The following PAX6 variants were observed in gnomAD, a reference collection of about 807,000 sequenced individuals.
PAX6 encodes paired box 6, also known as paired box protein Pax-6.
Under a neutral mutation model 60.7 loss-of-function variants are expected in PAX6, and 7 were observed. The observed-to-expected ratio is 0.12, with a 90% CI of 0.07 to 0.22. The LOEUF (loss-of-function observed/expected upper bound fraction) is 0.22, where lower values mean the gene tolerates loss of function less well. Ranked by LOEUF, PAX6 falls within the 10% of genes least tolerant of loss-of-function variation. The probability of loss-of-function intolerance (pLI) is 1.00; values close to 1 mark genes in which losing one functional copy is unlikely to be tolerated. For missense variants in PAX6, 355 were observed against 555.2 expected (o/e 0.64, Z 3.62); for synonymous variants, 208 against 201.2 (o/e 1.03, Z -0.29).
intron 13 of PAX6, chr11:31,790,417 C>G: frequency 7.7e-7 from 1 of 1,305,128 alleles, no homozygotes; most frequent in South Asian, 1.6e-5. Flanking sequence ...GCTCAGTGGG[C>G]CCCCTACTGA....
At chr11:31,798,353 G>T (rs945748970) in intron 8 of PAX6, among the ~76,000 whole-genome samples, 1 of 152,148 alleles carries the variant, frequency 6.6e-6, no homozygotes, top group African/African-American at 2.4e-5. Flanking sequence ...GCATGGCGTT[G>T]ATCAGATGGA....
chr11:31,797,352 G>A (rs1951906516), intron 8 of PAX6, among the ~76,000 whole-genome samples: 1 of 151,980 alleles, frequency 6.6e-6, no homozygotes, highest in Non-Finnish European at 1.5e-5. Flanking sequence ...TTAAAACATG[G>A]AGATTCACAT....
chr11:31,807,518 C>G (rs969427512), intron 2 of PAX6: 1 of 152,304 alleles, frequency 6.6e-6, no homozygotes, highest in African/African-American at 2.4e-5. Context: ...CTTTCTGGGA[C>G]TTTGAAAGGG....
At chr11:31,808,972 G>A (rs1175610503) in intron 2 of PAX6, among the ~76,000 whole-genome samples, 1 of 152,156 alleles carries the variant, frequency 6.6e-6, no homozygotes. Context: ...AGACATTTTG[G>A]AGTCGCCCCA....
chr11:31,797,569 C>T (rs1165926913), intron 8 of PAX6, among the ~76,000 whole-genome samples: 1 of 147,568 alleles, frequency 6.8e-6, no homozygotes, highest in Non-Finnish European at 1.5e-5. Flanking sequence ...CAAAAAGAAA[C>T]CTGTCGCTGC....
chr11:31,810,560 G>C, intron 2 of PAX6: 1 of 267,914 alleles, frequency 3.7e-6, no homozygotes, highest in Non-Finnish European at 7.0e-6. Flanking sequence ...CTCAGCCCGC[G>C]CTGGCGCTGG....
At chr11:31,797,727 C>T (rs1208917889) in intron 8 of PAX6, among the ~76,000 whole-genome samples, 1 of 152,164 alleles carries the variant, frequency 6.6e-6, no homozygotes, top group African/African-American at 2.4e-5. Flanking sequence ...ATTTGCCTTC[C>T]ACTCTTAAAG....
upstream of PAX6, chr11:31,814,872 G>A (rs188050054): frequency 4.5e-4 from 70 of 153,998 alleles, no homozygotes; most frequent in Admixed American, 8.4e-4. Context: ...GCCACTGCTC[G>A]GCTTGGGGGG....
chr11:31,814,385 G>A (rs1957273645), upstream of PAX6: 1 of 152,334 alleles, frequency 6.6e-6, no homozygotes, highest in African/African-American at 2.4e-5. Flanking sequence ...GGCCTTCGGG[G>A]AGGCAAAGAA....
intron 3 of PAX6, 76 bp downstream of exon 3, chr11:31,806,773 G>A (rs1447173128): frequency 3.5e-6 from 1 of 285,890 alleles, no homozygotes; most frequent in Non-Finnish European, 6.5e-6. Context: ...CTGAACTATA[G>A]TGAAGAAGCA....
chr11:31,801,695 T>C lies in PAX6; in HGVS notation c.265A>G (p.Lys89Glu), dbSNP rs1201627393. Residue 89 changes from lysine (K) to glutamate (E), a missense_variant, in exon 7 of 14, where the codon AAA (lysine) becomes GAA (glutamate). This residue lies in a region of PAX6 where 5 missense variants were observed against 45.0 expected (regional missense o/e 0.11). Coordinates refer to ENST00000640368, the MANE Select transcript of PAX6 (RefSeq NM_001368894.2). Reference sequence around the variant, plus strand: ...ACTTCTGGAGTCGCTACTCTCGGTTTACTACCACCGATTGCCCTGGGTCTG... The same window carrying C: ...ACTTCTGGAGTCGCTACTCTCGGTTCACTACCACCGATTGCCCTGGGTCTG... ...SIRPRAIGGS[K>E]PRVATPEVVS... 1 of 1,614,198 alleles carries C rather than the reference T, an allele frequency of 6.2e-7. No homozygotes were observed. The highest frequency in any genetic ancestry group is 8.5e-7 in the Non-Finnish European group (1 of 1,180,040).
At chr11:31,792,532 A>G (rs551307953) in intron 12 of PAX6, 1 of 152,616 alleles carries the variant, frequency 6.6e-6, no homozygotes. Context: ...ATGCTGGCCA[A>G]TATCGTACCA....
At chr11:31,796,748 G>A (rs928852422) in intron 8 of PAX6, among the ~76,000 whole-genome samples, 3 of 152,152 alleles carry the variant, frequency 2.0e-5, no homozygotes, top group Non-Finnish European at 4.4e-5. Context: ...AAAGAATGCT[G>A]AGAGGAAAAA....
intron 3 of PAX6, 104 bp from the exon 4 acceptor site, chr11:31,806,566 T>C (rs956102154): frequency 1.1e-6 from 1 of 884,822 alleles, no homozygotes; most frequent in African/African-American, 1.7e-5. Context: ...ATCTCCGTTC[T>C]TTAGGAATTG....
In PAX6 at chr11:31,799,878, G is replaced by A. The variant is rs374570750; in HGVS notation, c.565+813C>T. ...TACCGATTAATCTTCGGAGTAAACT[G>A]TTTCCTATTCTTGACCAAGCTACCT... On this transcript the variant is annotated intron_variant, in intron 8 of 13. Coordinates refer to ENST00000640368, the MANE Select transcript of PAX6 (RefSeq NM_001368894.2). Among the ~76,000 whole-genome samples, 7 of 152,184 alleles carry A rather than the reference G, an allele frequency of 4.6e-5. No individual in the cohort carries two copies. In the South Asian group the frequency reaches 1.5e-3, roughly 32 times the overall value.
At position 31,794,612 on chromosome 11, in the gene PAX6, T is replaced by G; in HGVS notation, c.724+18A>C. 1.9e-6 allele frequency: 3 copies of G among 1,614,108 alleles called. No homozygotes were observed. The highest frequency in any genetic ancestry group is 2.5e-6 in the Non-Finnish European group (3 of 1,179,922). ...TTACTTTGATTTACTGCTTCTCTAC[T>G]TTGAAAAACTCTATCACCTTTCTCC... On this transcript the variant is annotated intron_variant, in intron 9 of 13. Transcript: ENST00000640368.
intron 8 of PAX6, among the ~76,000 whole-genome samples, chr11:31,799,920 G>A (rs1042488769): frequency 6.6e-6 from 1 of 151,768 alleles, no homozygotes; most frequent in Non-Finnish European, 1.5e-5. Flanking sequence ...GTGGAGGGGA[G>A]CGGAGGGGAG....
chr11:31,807,953 G>A (rs1290869680), intron 2 of PAX6: 1 of 151,982 alleles, frequency 6.6e-6, no homozygotes, highest in Non-Finnish European at 1.5e-5. Flanking sequence ...AAATAGAAAA[G>A]TAATTTCTTG....
intron 7 of PAX6, chr11:31,801,196 G>T: frequency 1.6e-6 from 2 of 1,217,418 alleles, no homozygotes; most frequent in Non-Finnish European, 1.1e-6. Flanking sequence ...TCATTATATT[G>T]TTTAATATTA....
Sources: gnomAD v4.1 joint callset for allele counts (sites outside exome capture counted in the v4.1 genomes callset) on GRCh38, gnomAD v4.1.1 for gene constraint, gnomAD v4.1.1 regional missense constraint, MANE v1.5 for transcripts, NCBI Gene and HGNC (gene_info 2026-07-23, HGNC 2026-07-21) for gene names.